The following PCMT1 variants were observed in gnomAD, a reference collection of about 807,000 sequenced individuals.
The protein encoded by PCMT1 is protein-L-isoaspartate(D-aspartate) O-methyltransferase.
In PCMT1, 9 loss-of-function variants were observed where a neutral mutation model predicts 29.2. The ratio of observed to expected loss-of-function variants is 0.31; its 90% CI spans 0.19 to 0.54. The LOEUF (loss-of-function observed/expected upper bound fraction) is 0.54. PCMT1 is among the 20% of genes least tolerant of loss of function. PCMT1 has a pLI of 0.95. For synonymous variants in PCMT1, 98 were observed against 97.5 expected (o/e 1.00, Z -0.03); for missense variants, 184 against 282.2 (o/e 0.65, Z 2.49).
Position 149,763,119 on chromosome 6 carries a change from A to G in PCMT1, c.56-8043A>G, listed in dbSNP as rs1436853604. Among the ~76,000 whole-genome samples, 2 of 71,830 alleles carry G rather than the reference A, an allele frequency of 2.8e-5. 1 individual carries two copies. Among genetic ancestry groups the G allele is most frequent in the Non-Finnish European group, 4.1e-5 (2 of 49,146 alleles). 47.1% of individuals were successfully genotyped at this position (71,830 alleles called of 152,430 possible). A position where few individuals can be genotyped will look rare whatever the true frequency, so the allele number is the denominator to read the frequency against. On this transcript the variant is annotated intron_variant, in intron 1 of 7. Coordinates refer to ENST00000464889, the MANE Select transcript of PCMT1 (RefSeq NM_001360452.2). ...TATGATATATATATCTATGATATGT[A>G]TATCTATGATATATATGATATATAT...
chr6:149,752,961 A>T (rs1490656863), intron 1 of PCMT1, among the ~76,000 whole-genome samples: 14 of 152,210 alleles, frequency 9.2e-5, no homozygotes, highest in Non-Finnish European at 1.8e-4. Context: ...AATATTTAAT[A>T]TACATAGATG....
intron 2 of PCMT1, 129 bp from the exon 3 acceptor site, chr6:149,773,009 T>C (rs1228658177): frequency 1.9e-5 from 13 of 692,594 alleles, no homozygotes; most frequent in Middle Eastern, 7.7e-4. Flanking sequence ...ACAGTGAGAC[T>C]GTCTCAGAAA....
chr6:149,762,010 T>C (rs1786762425), intron 1 of PCMT1, among the ~76,000 whole-genome samples: 1 of 152,144 alleles, frequency 6.6e-6, no homozygotes, highest in Admixed American at 6.5e-5. Flanking sequence ...TTTTCCTTTG[T>C]TTTTTAATGC....
chr6:149,810,377 A>G (rs926763243), intron 7 of PCMT1, among the ~76,000 whole-genome samples: 3 of 152,240 alleles, frequency 2.0e-5, no homozygotes, highest in Non-Finnish European at 4.4e-5. Flanking sequence ...TTAGAAATCA[A>G]AAATGAAGAA....
At chr6:149,806,123 A>G (rs1333370850) in intron 7 of PCMT1, among the ~76,000 whole-genome samples, 1 of 152,086 alleles carries the variant, frequency 6.6e-6, no homozygotes, top group Non-Finnish European at 1.5e-5. Flanking sequence ...CGTGAATTCA[A>G]CCAATATGCA....
chr6:149,798,096 C>T (rs891809335), intron 6 of PCMT1: 3 of 149,634 alleles, frequency 2.0e-5, no homozygotes, highest in Non-Finnish European at 4.4e-5. Context: ...GTGAGCCTGA[C>T]AGGTTGAGGC....
At chr6:149,801,974 C>T (rs181725915) in intron 6 of PCMT1, among the ~76,000 whole-genome samples, 1 of 151,956 alleles carries the variant, frequency 6.6e-6, no homozygotes, top group Admixed American at 6.6e-5. Context: ...ACTAAAAATA[C>T]AAAAATTAGC....
At chr6:149,799,901 ATGAT>A (rs1314703118) in intron 6 of PCMT1, among the ~76,000 whole-genome samples, 13 of 152,170 alleles carry the variant, frequency 8.5e-5, no homozygotes, top group Admixed American at 6.5e-4. Flanking sequence ...TTAATAAAAA[ATGAT>A]TGGTTGGATT....
At chr6:149,780,755 T>C (rs1583031510) in intron 3 of PCMT1, among the ~76,000 whole-genome samples, 1 of 152,224 alleles carries the variant, frequency 6.6e-6, no homozygotes, top group African/African-American at 2.4e-5. Context: ...CTATTAACTG[T>C]TGAGGGACAT....
chr6:149,766,538 C>T (rs1180163416), intron 1 of PCMT1, among the ~76,000 whole-genome samples: 1 of 152,232 alleles, frequency 6.6e-6, no homozygotes, highest in African/African-American at 2.4e-5. Context: ...CTACAGGCCA[C>T]AGACAAAATT....
chr6:149,794,623 A>G (rs1302299062), intron 5 of PCMT1: 2 of 262,656 alleles, frequency 7.6e-6, no homozygotes, highest in Non-Finnish European at 1.5e-5. Context: ...TCTCAAAAAA[A>G]CAAATAAAAT....
intron 1 of PCMT1, among the ~76,000 whole-genome samples, chr6:149,758,658 G>A (rs1786615856): frequency 6.6e-6 from 1 of 152,074 alleles, no homozygotes; most frequent in Non-Finnish European, 1.5e-5. Context: ...GTTTGTTAGA[G>A]ATGTAAAGGA....
intron 1 of PCMT1, among the ~76,000 whole-genome samples, chr6:149,760,744 T>C (rs1469372458): frequency 1.3e-5 from 2 of 152,000 alleles, no homozygotes; most frequent in Non-Finnish European, 2.9e-5. Context: ...CCCAGCTACT[T>C]GGGAGGCTGA....
At chr6:149,767,111 A>T (rs1462559616) in intron 1 of PCMT1, among the ~76,000 whole-genome samples, 1 of 152,148 alleles carries the variant, frequency 6.6e-6, no homozygotes, top group Non-Finnish European at 1.5e-5. Context: ...TGGGAGGCTG[A>T]GGCAGGAGAA....
Position 149,749,788 on chromosome 6 carries a change from G to T in PCMT1, c.-114G>T, listed in dbSNP as rs1224199312. 8 of 1,551,174 alleles carry T rather than the reference G, an allele frequency of 5.2e-6. No homozygotes were observed. Among genetic ancestry groups the T allele is most frequent in the Middle Eastern group, 1.7e-4 (1 of 6,010 alleles). On this transcript the variant is annotated 5_prime_UTR_variant, in exon 1 of 8. Transcript: ENST00000464889. ...CGGCAGTAACAGCGGCAGCTACAGC[G>T]GGGACGCGAGCGGGGCGGTGACGGT... is the stretch of plus-strand genomic sequence containing the variant.
At chr6:149,805,834 G>T (rs941120898) in intron 7 of PCMT1, among the ~76,000 whole-genome samples, 5 of 151,702 alleles carry the variant, frequency 3.3e-5, no homozygotes, top group Non-Finnish European at 7.4e-5. Flanking sequence ...CCAGCTACTC[G>T]GGAGGCTGAG....
chr6:149,791,239 C>G (rs917195522), intron 4 of PCMT1, among the ~76,000 whole-genome samples: 2 of 152,116 alleles, frequency 1.3e-5, no homozygotes, highest in African/African-American at 2.4e-5. Flanking sequence ...CTGTCCCTGC[C>G]CAGAATGAGC....
chr6:149,776,100 G>A (rs1363673410), intron 3 of PCMT1, among the ~76,000 whole-genome samples: 7 of 151,960 alleles, frequency 4.6e-5, no homozygotes, highest in East Asian at 2.0e-4. Context: ...CAGAGGTTGC[G>A]TTGAGCTGAA....
rs539348522 is a variant in PCMT1 at position 149,796,702 on chromosome 6, G to A, written c.504+202G>A. The A allele has an allele frequency of 6.8e-6, 3 of 442,846 alleles. No individual in the cohort carries two copies. In the East Asian group the frequency reaches 1.1e-4, roughly 16 times the overall value. The allele number at this position is 442,846 out of a possible 1,614,324, so 27.4% of individuals were successfully genotyped here. ...CATGAAAATTACTAAACCCCAGTTT[G>A]TGGCGCTCATATTTGATCCAGGTAA... On this transcript the variant is annotated intron_variant, in intron 6 of 7. Coordinates refer to ENST00000464889, the MANE Select transcript of PCMT1 (RefSeq NM_001360452.2).
Sources: allele counts gnomAD v4.1 joint callset (sites outside exome capture counted in the v4.1 genomes callset), GRCh38; gene constraint gnomAD v4.1.1; transcripts MANE v1.5; gene names NCBI Gene and HGNC (gene_info 2026-07-23, HGNC 2026-07-21).